Variants in USP4 observed in about 807,000 individuals in gnomAD.
The protein encoded by USP4 is ubiquitin carboxyl-terminal hydrolase 4.
Under a neutral mutation model 118.2 loss-of-function variants are expected in USP4, and 72 were observed. The observed-to-expected ratio is 0.61, with a 90% CI of 0.50 to 0.74. The LOEUF (loss-of-function observed/expected upper bound fraction) is 0.74, where lower values mean the gene tolerates loss of function less well. Among genes scored for constraint, USP4 ranks in the 30% least tolerant of loss-of-function variants. The probability of loss-of-function intolerance (pLI) is 0.00; values close to 1 mark genes in which losing one functional copy is unlikely to be tolerated. For missense variants in USP4, 1,037 were observed against 1,185.7 expected (o/e 0.87, Z 1.84); for synonymous variants, 415 against 440.4 (o/e 0.94, Z 0.72).
chr3:49,327,309 G>A (rs1239060323), intron 3 of USP4, among the ~76,000 whole-genome samples: 1 of 152,016 alleles, frequency 6.6e-6, no homozygotes, highest in Non-Finnish European at 1.5e-5. Flanking sequence ...GGGCCGAGTC[G>A]GGCGGATCAC....
chr3:49,305,483 T>C (rs1167447938), intron 9 of USP4, among the ~76,000 whole-genome samples: 1 of 151,260 alleles, frequency 6.6e-6, no homozygotes, highest in Non-Finnish European at 1.5e-5. Flanking sequence ...GTATCCCTTA[T>C]CCAAAAATCT....
intron 4 of USP4, among the ~76,000 whole-genome samples, 182 bp from the exon 5 acceptor site, chr3:49,325,221 A>G (rs1252775294): frequency 6.6e-6 from 1 of 152,144 alleles, no homozygotes; most frequent in Non-Finnish European, 1.5e-5. Context: ...TATGCCTGGA[A>G]AGTATCCCTA....
intron 19 of USP4, among the ~76,000 whole-genome samples, chr3:49,282,407 A>C (rs917271392): frequency 1.3e-5 from 2 of 148,216 alleles, no homozygotes; most frequent in South Asian, 2.2e-4. Context: ...CCCAAGTAGC[A>C]GGGATTACAG....
chr3:49,333,247 T>C (rs1340291422), intron 2 of USP4, among the ~76,000 whole-genome samples: 1 of 151,196 alleles, frequency 6.6e-6, no homozygotes, highest in African/African-American at 2.4e-5. Context: ...TTTCCTGGGT[T>C]CCTCCATCTC....
intron 21 of USP4, 74 bp from the exon 22 acceptor site, chr3:49,278,525 G>A: frequency 6.5e-7 from 1 of 1,537,066 alleles, no homozygotes; most frequent in Non-Finnish European, 8.8e-7. Context: ...TTCTCTAGCT[G>A]TCCAAAACCC....
At chr3:49,279,662 C>G (rs567559774) in intron 20 of USP4, among the ~76,000 whole-genome samples, 1 of 152,244 alleles carries the variant, frequency 6.6e-6, no homozygotes, top group East Asian at 1.9e-4. Context: ...GATCTGATAT[C>G]CAGTGTCAAC....
chr3:49,297,716 G>A (rs912155777), intron 13 of USP4, among the ~76,000 whole-genome samples, 154 bp downstream of exon 13: 1 of 152,098 alleles, frequency 6.6e-6, no homozygotes, highest in Non-Finnish European at 1.5e-5. Context: ...GGCTGCCCAC[G>A]ATGCCCTCAA....
At chr3:49,335,922 G>C (rs940224004) in intron 1 of USP4, among the ~76,000 whole-genome samples, 4 of 152,056 alleles carry the variant, frequency 2.6e-5, no homozygotes, top group African/African-American at 9.7e-5. Flanking sequence ...GGAGTATAGT[G>C]ACACAATCTT....
intron 1 of USP4, 119 bp from the exon 2 acceptor site, chr3:49,335,715 A>C: frequency 8.5e-7 from 1 of 1,174,202 alleles, no homozygotes; most frequent in Non-Finnish European, 1.2e-6. Context: ...CCACTAAAAA[A>C]CACTGTCACA....
intron 9 of USP4, among the ~76,000 whole-genome samples, chr3:49,304,614 G>A (rs1462920233): frequency 6.6e-6 from 1 of 152,052 alleles, no homozygotes; most frequent in Non-Finnish European, 1.5e-5. Context: ...TTTTTTTAGA[G>A]ACAGGGTCTC....
intron 12 of USP4, among the ~76,000 whole-genome samples, 181 bp from the exon 13 acceptor site, chr3:49,298,145 G>A (rs1475069023): frequency 6.6e-6 from 1 of 152,242 alleles, no homozygotes; most frequent in East Asian, 1.9e-4. Context: ...CAGCATGGCT[G>A]CCATCAGAAT....
At position 49,284,449 on chromosome 3, in the gene USP4, A is replaced by G; in HGVS notation, c.2390+17T>C. ...GGGTGCATGGGGCCTCTGCCCAGACAGTGAGGAGCTGCGTACCAGGGGTCA... is the reference window on the plus strand; with the variant it reads ...GGGTGCATGGGGCCTCTGCCCAGACGGTGAGGAGCTGCGTACCAGGGGTCA... On this transcript the variant is annotated intron_variant, in intron 18 of 21. Transcript: ENST00000265560. The G allele has an allele frequency of 3.7e-6, 6 of 1,601,950 alleles. No individual in the cohort carries two copies. Among genetic ancestry groups the G allele is most frequent in the Non-Finnish European group, 5.1e-6 (6 of 1,169,970 alleles).
At chr3:49,318,143 ATTT>A (rs772859780) in intron 6 of USP4, among the ~76,000 whole-genome samples, 1 of 152,024 alleles carries the variant, frequency 6.6e-6, no homozygotes, top group East Asian at 1.9e-4. Flanking sequence ...ACCTAATTTT[ATTT>A]TTTTAAGAGA....
At chr3:49,301,854 GAT>G (rs2047266144) in intron 10 of USP4, among the ~76,000 whole-genome samples, 1 of 152,080 alleles carries the variant, frequency 6.6e-6, no homozygotes, top group Non-Finnish European at 1.5e-5. Flanking sequence ...GCACTGATCA[GAT>G]AATCAAGGCA....
intron 19 of USP4, among the ~76,000 whole-genome samples, chr3:49,283,427 G>T (rs1273598414): frequency 2.0e-5 from 3 of 151,744 alleles, no homozygotes; most frequent in Non-Finnish European, 4.4e-5. Context: ...CTCCCAAATT[G>T]ATGATATGTG....
In USP4 at chr3:49,339,834, C is replaced by T. The variant is rs533734194; in HGVS notation, c.101+90G>A. Reference sequence around the variant, plus strand: ...CTTCCAGGGTCACTACATACCATCCCCGCCCAGCCCCTACTCTAGCCGAGA... The same window carrying T: ...CTTCCAGGGTCACTACATACCATCCTCGCCCAGCCCCTACTCTAGCCGAGA... On this transcript the variant is annotated intron_variant, in intron 1 of 21. Transcript: ENST00000265560. The T allele has an allele frequency of 9.2e-5, 99 of 1,073,216 alleles. No homozygotes were observed. In the South Asian group the frequency reaches 1.3e-3, roughly 14 times the overall value. The allele number at this position is 1,073,216 out of a possible 1,614,324, so 66.5% of individuals were successfully genotyped here.
At chr3:49,294,160 T>C (rs941393749) in intron 14 of USP4, among the ~76,000 whole-genome samples, 4 of 152,094 alleles carry the variant, frequency 2.6e-5, no homozygotes, top group Admixed American at 6.6e-5. Context: ...TAATTTTATA[T>C]TTTTAGTAGA....
Position 49,325,816 on chromosome 3 carries a change from G to A in USP4, c.390C>T (p.His130=). 1 of 1,613,882 alleles carries A rather than the reference G, an allele frequency of 6.2e-7. No homozygotes were observed. The highest frequency in any genetic ancestry group is 8.5e-7 in the Non-Finnish European group (1 of 1,179,856). ...KVVEHGLFVK[H]CKVEVYLLEL... is the part of the protein sequence containing the mutation. ...CCAGCAAATACACCTCGACTTTGCAGTGCTTGACAAACAGGCCATGCTCCA... is the reference window on the plus strand; with the variant it reads ...CCAGCAAATACACCTCGACTTTGCAATGCTTGACAAACAGGCCATGCTCCA... The change falls in exon 4 of 22, where the codon CAC becomes CAT. Residue 130 remains histidine (H), a synonymous_variant. Transcript: ENST00000265560.
At chr3:49,335,690 G>A in intron 1 of USP4, 94 bp from the exon 2 acceptor site, 2 of 1,463,188 alleles carry the variant, frequency 1.4e-6, no homozygotes, top group Non-Finnish European at 1.9e-6. Flanking sequence ...CTTCCACTTG[G>A]GGCATATGCA....
Sources: allele counts gnomAD v4.1 joint callset (sites outside exome capture counted in the v4.1 genomes callset), GRCh38; gene constraint gnomAD v4.1.1; transcripts MANE v1.5; gene names NCBI Gene and HGNC (gene_info 2026-07-23, HGNC 2026-07-21).